The following COBLL1 variants were observed in gnomAD, a reference collection of about 807,000 sequenced individuals.
COBLL1 encodes the protein cordon-bleu WH2 repeat protein like 1, also known as cordon-bleu protein-like 1.
Under a neutral mutation model 94.8 loss-of-function variants are expected in COBLL1, and 50 were observed. The observed-to-expected ratio is 0.53, with a 90% CI of 0.42 to 0.67. The LOEUF (loss-of-function observed/expected upper bound fraction) is 0.67. Among genes scored for constraint, COBLL1 ranks in the 30% least tolerant of loss-of-function variants. The pLI is 0.00. For synonymous variants in COBLL1, 448 were observed against 473.8 expected (o/e 0.95, Z 0.71); for missense variants, 1,362 against 1,348.7 (o/e 1.01, Z -0.15).
intron 9 of COBLL1, among the ~76,000 whole-genome samples, chr2:164,702,087 T>G (rs543223459): frequency 6.6e-6 from 1 of 152,156 alleles, no homozygotes; most frequent in East Asian, 1.9e-4. Context: ...ATGAGAAATT[T>G]TAATGGTATT....
At chr2:164,759,859 C>T (rs1212153396) in intron 2 of COBLL1, among the ~76,000 whole-genome samples, 1 of 152,104 alleles carries the variant, frequency 6.6e-6, no homozygotes, top group Non-Finnish European at 1.5e-5. Context: ...GATGATCTAC[C>T]ACTACACACC....
chr2:164,819,395 A>T (rs1685046448), intron 2 of COBLL1, among the ~76,000 whole-genome samples: 1 of 152,170 alleles, frequency 6.6e-6, no homozygotes, highest in African/African-American at 2.4e-5. Flanking sequence ...AATTAAAATT[A>T]AATATTGTAA....
intron 2 of COBLL1, among the ~76,000 whole-genome samples, chr2:164,750,666 C>T (rs1687078751): frequency 6.6e-6 from 1 of 152,134 alleles, no homozygotes; most frequent in Admixed American, 6.5e-5. Context: ...AGAAAGAAGA[C>T]ATAAATCAGA....
chr2:164,740,991 A>C (rs12692745), intron 3 of COBLL1, among the ~76,000 whole-genome samples: 50 of 152,070 alleles, frequency 3.3e-4, no homozygotes, highest in African/African-American at 1.0e-3. Context: ...ATACACAAAG[A>C]AGGGCCAGGC....
rs1158600807 is a variant in COBLL1, at chr2:164,817,338, T to C, written c.41+23818A>G. ...TCCGAACTTCTAACCTAAATTCCCT[T>C]ATCTGAGTGTAATGGTATATATTAA... On this transcript the variant is annotated intron_variant, in intron 2 of 13. Transcript: ENST00000652658. Among the ~76,000 whole-genome samples, 7 of 143,876 alleles carry C rather than the reference T, an allele frequency of 4.9e-5. No individual in the cohort carries two copies. The Admixed American group carries it at 5.0e-4, about 10-fold the overall frequency. 94.4% of individuals were successfully genotyped at this position (143,876 alleles called of 152,430 possible). A position where few individuals can be genotyped will look rare whatever the true frequency, so the allele number is the denominator to read the frequency against.
Position 164,659,820 on chromosome 2 carries a change from C to T in COBLL1, n.182-5906G>A, listed in dbSNP as rs62173902. Among the ~76,000 whole-genome samples, 57 of 152,200 alleles carry T rather than the reference C, an allele frequency of 3.7e-4. 1 individual carries two copies. Among genetic ancestry groups the T allele is most frequent in the South Asian group, 2.9e-3 (14 of 4,820 alleles). On this transcript the variant is annotated intron_variant and non_coding_transcript_variant, in intron 2 of 2. Coordinates refer to the COBLL1 transcript ENST00000495084. ...TTGATCATTTTTCTCTGTCCTTGCT[C>T]TATCTATAGATTGTCTACCATATGC...
At chr2:164,763,548 G>C (rs115918955) in intron 2 of COBLL1, among the ~76,000 whole-genome samples, 306 of 152,176 alleles carry the variant, frequency 2.0e-3, no homozygotes, top group Non-Finnish European at 3.6e-3. Flanking sequence ...CAGCATTTTT[G>C]AAAACAAAAG....
At chr2:164,820,510 C>T (rs1178864662) in intron 2 of COBLL1, among the ~76,000 whole-genome samples, 5 of 151,992 alleles carry the variant, frequency 3.3e-5, no homozygotes, top group Non-Finnish European at 7.4e-5. Context: ...CATGAGTCAC[C>T]GCGCCAGGCC....
At chr2:164,668,797 A>G (rs1399471300) in intron 1 of COBLL1, among the ~76,000 whole-genome samples, 2 of 152,158 alleles carry the variant, frequency 1.3e-5, no homozygotes, top group African/African-American at 2.4e-5. Flanking sequence ...CTACTTGTCT[A>G]TTGTTGAACC....
intron 5 of COBLL1, chr2:164,724,585 A>G (rs879641654): frequency 1.3e-4 from 20 of 152,174 alleles, no homozygotes; most frequent in Non-Finnish European, 2.5e-4. Context: ...CTAAAAAAAT[A>G]TTTCTTCTAC....
chr2:164,798,256 T>C (rs879919671), intron 2 of COBLL1, among the ~76,000 whole-genome samples: 1 of 152,248 alleles, frequency 6.6e-6, no homozygotes, highest in Non-Finnish European at 1.5e-5. Context: ...ATCATTTACT[T>C]TGTTGTATAA....
At chr2:164,686,084 T>C (rs776846486) in intron 13 of COBLL1, 52 bp from the exon 14 acceptor site, 1 of 966,004 alleles carries the variant, frequency 1.0e-6, no homozygotes, top group East Asian at 2.8e-5. Context: ...GGGATAGCTG[T>C]CTAATTTTCA....
In COBLL1 at chr2:164,727,934, T is replaced by A. The variant is rs569615135; in HGVS notation, c.661+35A>T. On this transcript the variant is annotated intron_variant, in intron 5 of 13. Transcript: ENST00000652658. ...GCACAAACATATACAAATATACACATCCCACTAAATAAATAAAATAAAAGT... is the reference window on the plus strand; with the variant it reads ...GCACAAACATATACAAATATACACAACCCACTAAATAAATAAAATAAAAGT... The A allele has an allele frequency of 1.6e-5, 22 of 1,370,502 alleles. No homozygotes were observed. In the African/African-American group the frequency reaches 2.9e-4, roughly 18 times the overall value. 84.9% of individuals were successfully genotyped at this position (1,370,502 alleles called of 1,614,324 possible). A position where few individuals can be genotyped will look rare whatever the true frequency, so the allele number is the denominator to read the frequency against.
chr2:164,695,705 A>G lies in COBLL1; in HGVS notation c.1687T>C (p.Ser563Pro). The G allele has an allele frequency of 6.2e-7, 1 of 1,613,824 alleles. No individual in the cohort carries two copies. Among genetic ancestry groups the G allele is most frequent in the African/African-American group, 1.3e-5 (1 of 74,994 alleles). ...TCAGTTTCATGTGCCTCAGAGTTTG[A>G]TGGTCTCTCAACTTCCATATCAATG... ...NNIDMEVERP[S>P]NSEAHETDTA... The change falls in exon 12 of 14, where the codon TCA becomes CCA. Residue 563 changes from serine (S) to proline (P), a missense_variant. Physicochemically the swap from Ser to Pro is moderately conservative, Grantham distance 74 (BLOSUM62 -1). Transcript: ENST00000652658.
At chr2:164,759,506 C>T (rs1345799915) in intron 2 of COBLL1, among the ~76,000 whole-genome samples, 1 of 151,804 alleles carries the variant, frequency 6.6e-6, no homozygotes, top group Non-Finnish European at 1.5e-5. Flanking sequence ...ATAGGATTAG[C>T]TATGACATCA....
Position 164,753,887 on chromosome 2 carries a change from A to C in COBLL1, c.42-10012T>G, listed in dbSNP as rs895710192. Among the ~76,000 whole-genome samples the C allele has an allele frequency of 2.6e-5, 4 of 151,876 alleles. No individual in the cohort carries two copies. The East Asian group carries it at 7.8e-4, about 29-fold the overall frequency. On this transcript the variant is annotated intron_variant, in intron 2 of 13. Transcript: ENST00000652658. ...CTCCTGAGTAGCTGGAAGTATAGGC[A>C]TTCATTACCATGCCCAGCTAATTTT...
chr2:164,704,311 A>G, intron 9 of COBLL1, 133 bp downstream of exon 9: 1 of 662,534 alleles, frequency 1.5e-6, no homozygotes, highest in Non-Finnish European at 2.7e-6. Flanking sequence ...TTATTTCATA[A>G]TAAAAATTTG....
chr2:164,836,282 G>A (rs1190799773), intron 2 of COBLL1, among the ~76,000 whole-genome samples: 1 of 152,050 alleles, frequency 6.6e-6, no homozygotes, highest in Admixed American at 6.6e-5. Context: ...ACAGGAATAT[G>A]TTACACATTA....
At position 164,841,546 on chromosome 2, in the gene COBLL1, A is replaced by G. The variant is rs548915373; in HGVS notation, c.-51+164T>C. The G allele has an allele frequency of 5.4e-3, 4,430 of 813,550 alleles. 16 individuals are homozygous for G. Among genetic ancestry groups the G allele is most frequent in the Middle Eastern group, 7.9e-3 (16 of 2,016 alleles). 50.4% of individuals were successfully genotyped at this position (813,550 alleles called of 1,614,324 possible). A position where few individuals can be genotyped will look rare whatever the true frequency, so the allele number is the denominator to read the frequency against. Reference sequence around the variant, plus strand: ...GAGGGAGAGGAGCCGCCGGGGCTGGAAAAGGAGGAGGAGCGGGGCCGGGCG... The same window carrying G: ...GAGGGAGAGGAGCCGCCGGGGCTGGGAAAGGAGGAGGAGCGGGGCCGGGCG... On this transcript the variant is annotated intron_variant, in intron 1 of 13. Transcript: ENST00000652658. This position sits in a 1 kb window ranked among gnomAD's most constrained non-coding sequence, Gnocchi z 5.5.
Sources: allele counts gnomAD v4.1 joint callset (sites outside exome capture counted in the v4.1 genomes callset), GRCh38; gene constraint gnomAD v4.1.1; non-coding constraint Gnocchi (gnomAD v3.1); transcripts MANE v1.5; gene names NCBI Gene and HGNC (gene_info 2026-07-23, HGNC 2026-07-21).